The following SGCD variants were observed in gnomAD, a reference collection of about 807,000 sequenced individuals.
SGCD encodes delta-sarcoglycan.
Under a neutral mutation model 36.6 loss-of-function variants are expected in SGCD, and 18 were observed. That is an observed-to-expected ratio of 0.49 (90% CI 0.34 to 0.73). The LOEUF is 0.73. Ranked by LOEUF, SGCD falls within the 30% of genes least tolerant of loss-of-function variation. The pLI is 0.01. For synonymous variants in SGCD, 133 were observed against 130.6 expected (o/e 1.02, Z -0.12); for missense variants, 387 against 346.7 (o/e 1.12, Z -0.92).
At chr5:155,980,537 G>A (rs1395574208) in intron 1 of SGCD, among the ~76,000 whole-genome samples, 2 of 129,908 alleles carry the variant, frequency 1.5e-5, no homozygotes, top group South Asian at 2.6e-4. Context: ...GCAGTGAGCC[G>A]AGATCTTGCC....
At chr5:155,876,735 C>A (rs1164156802) in intron 1 of SGCD, among the ~76,000 whole-genome samples, 6 of 151,994 alleles carry the variant, frequency 3.9e-5, no homozygotes, top group Admixed American at 3.9e-4. Flanking sequence ...AATGGCATTT[C>A]GTTACTTGAT....
chr5:156,628,162 G>T (rs1352138758), intron 6 of SGCD, among the ~76,000 whole-genome samples: 2 of 152,086 alleles, frequency 1.3e-5, no homozygotes, highest in African/African-American at 4.8e-5. Flanking sequence ...TAAATGACCA[G>T]ATCTCACAGG....
intron 1 of SGCD, among the ~76,000 whole-genome samples, chr5:156,095,456 T>C (rs1418138485): frequency 6.6e-6 from 1 of 152,196 alleles, no homozygotes; most frequent in African/African-American, 2.4e-5. Flanking sequence ...ATTTTTAACC[T>C]TCTGCTCACA....
the SGCD span, among the ~76,000 whole-genome samples, chr5:155,809,370 G>A: frequency 6.6e-6 from 1 of 152,202 alleles, no homozygotes; most frequent in Non-Finnish European, 1.5e-5. Flanking sequence ...TAAAATCATT[G>A]AGATGAACCA....
intron 1 of SGCD, among the ~76,000 whole-genome samples, chr5:155,925,921 CTT>C (rs113991178): frequency 2.0e-5 from 3 of 149,910 alleles, no homozygotes; most frequent in South Asian, 2.1e-4. Context: ...CACCTGGCAA[CTT>C]TTTTTTTTTT....
At chr5:156,530,937 C>T (rs1757862446) in intron 4 of SGCD, among the ~76,000 whole-genome samples, 1 of 152,162 alleles carries the variant, frequency 6.6e-6, no homozygotes, top group African/African-American at 2.4e-5. Context: ...GAGTTTCTTT[C>T]TTCCTCATCA....
intron 4 of SGCD, among the ~76,000 whole-genome samples, chr5:156,578,048 G>A (rs1179490536): frequency 4.6e-5 from 7 of 152,106 alleles, no homozygotes; most frequent in Admixed American, 2.0e-4. Flanking sequence ...TTGGCTGTAG[G>A]TTTGTCATAA....
chr5:155,759,264 C>A, the SGCD span, among the ~76,000 whole-genome samples: 1 of 152,192 alleles, frequency 6.6e-6, no homozygotes, highest in African/African-American at 2.4e-5. Context: ...AGCTAAGGGG[C>A]TAAAATTAAT....
chr5:156,002,294 A>G (rs1284511462), intron 1 of SGCD, among the ~76,000 whole-genome samples: 5 of 152,212 alleles, frequency 3.3e-5, no homozygotes, highest in Non-Finnish European at 5.9e-5. Context: ...ACCCTCTGCA[A>G]GCCAAGGAGA....
At chr5:156,505,714 A>T (rs1756664269) in intron 3 of SGCD, among the ~76,000 whole-genome samples, 1 of 152,116 alleles carries the variant, frequency 6.6e-6, no homozygotes, top group Non-Finnish European at 1.5e-5. Flanking sequence ...TTTAAATGTT[A>T]TTAGAAAACA....
At chr5:156,069,708 C>G (rs1760475412) in intron 1 of SGCD, among the ~76,000 whole-genome samples, 1 of 150,204 alleles carries the variant, frequency 6.7e-6, no homozygotes, top group Non-Finnish European at 1.5e-5. Context: ...TATAAATTCC[C>G]TTGGGCAGTA....
intron 4 of SGCD, among the ~76,000 whole-genome samples, chr5:156,540,247 C>G (rs1044519850): frequency 2.0e-5 from 3 of 152,180 alleles, no homozygotes; most frequent in Middle Eastern, 3.4e-3. Flanking sequence ...AAAGCACTTT[C>G]TATGGTTCCT....
At chr5:155,836,488 A>G in the SGCD span, among the ~76,000 whole-genome samples, 1 of 99,776 alleles carries the variant, frequency 1.0e-5, no homozygotes, top group East Asian at 3.3e-4. Flanking sequence ...CCCGCACTCA[A>G]TCCAGCCATC....
intron 3 of SGCD, among the ~76,000 whole-genome samples, chr5:156,279,242 T>C (rs1365081617): frequency 6.6e-6 from 1 of 152,210 alleles, no homozygotes; most frequent in African/African-American, 2.4e-5. Flanking sequence ...CTTAAGTTCT[T>C]TTTTGTAAGT....
At chr5:156,368,746 G>A (rs1770237359) in intron 3 of SGCD, among the ~76,000 whole-genome samples, 1 of 152,148 alleles carries the variant, frequency 6.6e-6, no homozygotes, top group African/African-American at 2.4e-5. Context: ...TCTAGGTTGT[G>A]CACTCCTTAT....
the SGCD span, among the ~76,000 whole-genome samples, chr5:155,737,585 C>T: frequency 8.9e-3 from 1,363 of 152,302 alleles, 16 homozygotes; most frequent in Middle Eastern, 0.031. Flanking sequence ...TCTGACACTA[C>T]AGATTTTTAT....
At chr5:155,906,110 A>G (rs988000324) in intron 1 of SGCD, among the ~76,000 whole-genome samples, 2 of 152,176 alleles carry the variant, frequency 1.3e-5, no homozygotes, top group South Asian at 2.1e-4. Flanking sequence ...ATTATATCTG[A>G]TATAATGATC....
At chr5:156,376,651 G>C (rs1875963) in intron 3 of SGCD, among the ~76,000 whole-genome samples, 5 of 151,868 alleles carry the variant, frequency 3.3e-5, no homozygotes, top group African/African-American at 9.7e-5. Context: ...ATGTGCATCA[G>C]ATTTTTTTTT....
intron 3 of SGCD, among the ~76,000 whole-genome samples, chr5:156,432,345 A>G (rs760372300): frequency 7.9e-5 from 12 of 152,202 alleles, no homozygotes; most frequent in Non-Finnish European, 1.5e-4. Flanking sequence ...CTTTCTTGCG[A>G]GCAGTATTTC....
Sources: gnomAD v4.1 joint callset for allele counts (sites outside exome capture counted in the v4.1 genomes callset) on GRCh38, gnomAD v4.1.1 for gene constraint, MANE v1.5 for transcripts, NCBI Gene and HGNC (gene_info 2026-07-23, HGNC 2026-07-21) for gene names.